The following GRID2 variants were observed in gnomAD, a reference collection of about 807,000 sequenced individuals.
GRID2 encodes the protein glutamate ionotropic receptor delta type subunit 2, also known as glutamate receptor ionotropic, delta-2.
Under a neutral mutation model 114.8 loss-of-function variants are expected in GRID2, and 33 were observed. The observed-to-expected ratio is 0.29, with a 90% CI of 0.22 to 0.38. The LOEUF (loss-of-function observed/expected upper bound fraction) is 0.38, where lower values mean the gene tolerates loss of function less well. Ranked by LOEUF, GRID2 falls within the 10% of genes least tolerant of loss-of-function variation. The pLI is 1.00. For synonymous variants in GRID2, 505 were observed against 449.9 expected, an observed-to-expected ratio of 1.12 and a Z score of -1.55; for missense variants, 1,184 against 1,257.7, an observed-to-expected ratio of 0.94 and a Z score of 0.89.
chr4:93,167,210 G>T (rs1738335540), intron 4 of GRID2, among the ~76,000 whole-genome samples: 1 of 152,094 alleles, frequency 6.6e-6, no homozygotes, highest in African/African-American at 2.4e-5. Flanking sequence ...GTGTCTTTTT[G>T]AAGTTACTCT....
chr4:92,935,579 C>T (rs1345067714), intron 2 of GRID2, among the ~76,000 whole-genome samples: 1 of 146,682 alleles, frequency 6.8e-6, no homozygotes, highest in African/African-American at 2.4e-5. Context: ...TAAAAACACA[C>T]ACACACGTAT....
At chr4:93,175,891 G>A (rs1172686835) in intron 4 of GRID2, among the ~76,000 whole-genome samples, 5 of 152,140 alleles carry the variant, frequency 3.3e-5, no homozygotes, top group African/African-American at 9.7e-5. Context: ...CACCATGTGA[G>A]GATAAATAGA....
chr4:92,404,703 A>ACC (rs1553931627), intron 1 of GRID2, among the ~76,000 whole-genome samples: 1 of 152,158 alleles, frequency 6.6e-6, no homozygotes, highest in Non-Finnish European at 1.5e-5. Context: ...GCAGCCATAA[A>ACC]AAGGAAACAA....
chr4:93,751,605 G>T (rs1391187007), intron 14 of GRID2, among the ~76,000 whole-genome samples: 3 of 152,114 alleles, frequency 2.0e-5, no homozygotes, highest in Non-Finnish European at 2.9e-5. Context: ...ACAGTGACAG[G>T]GCCTTCCGTG....
chr4:92,734,299 T>A (rs1171968826), intron 2 of GRID2, among the ~76,000 whole-genome samples: 1 of 152,074 alleles, frequency 6.6e-6, no homozygotes, highest in Non-Finnish European at 1.5e-5. Context: ...ACTTTACTTT[T>A]TTTTTAAGAT....
At chr4:93,029,600 A>G (rs1028737759) in intron 2 of GRID2, among the ~76,000 whole-genome samples, 1 of 152,166 alleles carries the variant, frequency 6.6e-6, no homozygotes, top group African/African-American at 2.4e-5. Flanking sequence ...TAAAAATATC[A>G]TATTTTTAAA....
intron 8 of GRID2, among the ~76,000 whole-genome samples, chr4:93,320,759 A>G (rs1757125868): frequency 6.6e-6 from 1 of 152,064 alleles, no homozygotes; most frequent in Non-Finnish European, 1.5e-5. Flanking sequence ...CAAACAATAG[A>G]AGGTGCCAAA....
intron 13 of GRID2, among the ~76,000 whole-genome samples, chr4:93,547,792 G>T (rs565551704): frequency 5.3e-5 from 8 of 152,206 alleles, no homozygotes; most frequent in Admixed American, 5.2e-4. Flanking sequence ...TGTCTTTTAG[G>T]CAGCTATAGT....
At chr4:92,918,106 T>G (rs1321267781) in intron 2 of GRID2, among the ~76,000 whole-genome samples, 1 of 152,180 alleles carries the variant, frequency 6.6e-6, no homozygotes, top group Non-Finnish European at 1.5e-5. Flanking sequence ...TTATTCTCTT[T>G]GAAGCAATTG....
chr4:92,709,581 A>AAG (rs1553919209), intron 2 of GRID2, among the ~76,000 whole-genome samples: 1 of 129,382 alleles, frequency 7.7e-6, no homozygotes, highest in African/African-American at 3.1e-5. Flanking sequence ...AGAAAAAAAA[A>AAG]AAAAAAAAAT....
At chr4:93,032,188 C>T (rs573911838) in intron 2 of GRID2, among the ~76,000 whole-genome samples, 2 of 152,130 alleles carry the variant, frequency 1.3e-5, no homozygotes, top group Non-Finnish European at 2.9e-5. Context: ...AGCTCTAGGA[C>T]AGCCCTGATA....
chr4:93,287,015 G>GA (rs1263995308), intron 8 of GRID2, among the ~76,000 whole-genome samples: 1 of 151,880 alleles, frequency 6.6e-6, no homozygotes, highest in African/African-American at 2.4e-5. Context: ...ATCAAGGTAA[G>GA]AAAAAATATA....
At chr4:93,697,918 A>AT (rs1727185705) in intron 14 of GRID2, among the ~76,000 whole-genome samples, 2 of 133,650 alleles carry the variant, frequency 1.5e-5, no homozygotes, top group South Asian at 2.5e-4. Flanking sequence ...AATTTTGTCC[A>AT]TTTTTTTAAA....
intron 2 of GRID2, among the ~76,000 whole-genome samples, chr4:92,734,228 A>G (rs1461406949): frequency 6.6e-6 from 1 of 152,096 alleles, no homozygotes; most frequent in Non-Finnish European, 1.5e-5. Context: ...CTTTCTTAAG[A>G]TAATATTTAT....
intron 8 of GRID2, among the ~76,000 whole-genome samples, chr4:93,346,739 T>C (rs1560523848): frequency 6.6e-6 from 1 of 152,150 alleles, no homozygotes; most frequent in Non-Finnish European, 1.5e-5. Context: ...AACTGAACTT[T>C]CCTAAGCGAA....
chr4:93,375,911 TTGAC>T (rs1579871326), intron 8 of GRID2, among the ~76,000 whole-genome samples: 1 of 152,090 alleles, frequency 6.6e-6, no homozygotes, highest in African/African-American at 2.4e-5. Context: ...CGACAAAAAT[TTGAC>T]TGGGAGTTCA....
chr4:93,126,073 A>G (rs1418325399), intron 4 of GRID2, among the ~76,000 whole-genome samples: 2 of 152,226 alleles, frequency 1.3e-5, no homozygotes, highest in East Asian at 3.8e-4. Context: ...ATCTCTTCAT[A>G]TATCATTCTG....
intron 2 of GRID2, among the ~76,000 whole-genome samples, chr4:92,644,978 A>G (rs1361273750): frequency 6.6e-5 from 10 of 151,604 alleles, no homozygotes; most frequent in South Asian, 6.2e-4. Flanking sequence ...CACTTTTATT[A>G]AGGAATATTT....
intron 10 of GRID2, among the ~76,000 whole-genome samples, chr4:93,428,744 CAG>C (rs1433770221): frequency 2.0e-5 from 3 of 152,018 alleles, no homozygotes; most frequent in Admixed American, 2.0e-4. Context: ...TAGATTCTAA[CAG>C]ATATATTTTT....
Sources: gnomAD v4.1 joint callset for allele counts (sites outside exome capture counted in the v4.1 genomes callset) on GRCh38, gnomAD v4.1.1 for gene constraint, MANE v1.5 for transcripts, NCBI Gene and HGNC (gene_info 2026-07-23, HGNC 2026-07-21) for gene names.